EP300: variants seen among roughly 807,000 people sequenced by gnomAD.
The protein encoded by EP300 is EP300 lysine acetyltransferase, also known as histone acetyltransferase p300.
Under a neutral mutation model 264.0 loss-of-function variants are expected in EP300, and 31 were observed. The ratio of observed to expected loss-of-function variants is 0.12; its 90% confidence interval spans 0.09 to 0.16. The LOEUF is 0.16. EP300 is among the 10% of genes least tolerant of loss of function. The pLI is 1.00. For missense variants in EP300, 2,766 were observed against 3,052.9 expected (o/e 0.91, Z 2.21); for synonymous variants, 1,340 against 1,045.4 (o/e 1.28, Z -5.44).
chr22:41,097,986 G>A (rs892034740), intron 1 of EP300, among the ~76,000 whole-genome samples: 1 of 147,636 alleles, frequency 6.8e-6, no homozygotes, highest in Admixed American at 6.7e-5. Context: ...GAGCCACCGC[G>A]CCCAGCTAAA....
At position 41,127,594 on chromosome 22, in the gene EP300, C is replaced by T. The variant is rs1166384976; in HGVS notation, c.1014C>T (p.Ile338=). 6.2e-7 allele frequency: 1 copy of T among 1,614,218 alleles called. No individual in the cohort carries two copies. The highest frequency in any genetic ancestry group is 1.7e-5 in the Admixed American group (1 of 60,026). Residue 338 remains isoleucine (I), a synonymous_variant, in exon 4 of 31, where the codon ATC becomes ATT. Coordinates refer to ENST00000263253, the MANE Select transcript of EP300 (RefSeq NM_001429.4). ...CTGATCCAGAGAAGCGCAAGCTCATCCAGCAGCAGCTTGTTCTCCTTTTGC... is the reference window on the plus strand; with the variant it reads ...CTGATCCAGAGAAGCGCAAGCTCATTCAGCAGCAGCTTGTTCTCCTTTTGC... ...HTADPEKRKL[I]QQQLVLLLHA... is the part of the protein sequence containing the mutation.
chr22:41,119,183 T>TA (rs1569091388), intron 2 of EP300, among the ~76,000 whole-genome samples: 3 of 113,344 alleles, frequency 2.6e-5, no homozygotes, highest in Non-Finnish European at 5.8e-5. Flanking sequence ...TTATTTTTTT[T>TA]TTTTTTTTTT....
rs1288243601 is a variant in EP300 at position 41,129,879 on chromosome 22, C to T, written c.1169-11C>T. 13 of 1,606,896 alleles carry T rather than the reference C, an allele frequency of 8.1e-6. No individual in the cohort carries two copies. Among genetic ancestry groups the T allele is most frequent in the Non-Finnish European group, 1.0e-5 (12 of 1,173,880 alleles). ...ACCTGCTCTTGAAAAAATATGTTTT[C>T]TTCTCTTTAGTGGCACACTGTGCAT... On this transcript the variant is annotated splice_polypyrimidine_tract_variant and intron_variant, in intron 4 of 30. Coordinates refer to ENST00000263253, the MANE Select transcript of EP300 (RefSeq NM_001429.4).
intron 3 of EP300, 139 bp downstream of exon 3, chr22:41,126,179 T>G: frequency 1.2e-6 from 1 of 819,590 alleles, no homozygotes; most frequent in Non-Finnish European, 2.0e-6. Flanking sequence ...TGATGATCCC[T>G]GTGAGGAGGC....
At position 41,164,101 on chromosome 22, in the gene EP300, C is replaced by A. The variant is rs377052238; in HGVS notation, c.3777C>A (p.Val1259=). Residue 1259 remains valine, a synonymous_variant, in exon 22 of 31, where the codon GTC becomes GTA. Coordinates refer to ENST00000263253, the MANE Select transcript of EP300 (RefSeq NM_001429.4). ...ECGRKMHQIC[V]LHHEIIWPAG... ...GAAGAAAGATGCATCAGATCTGTGT[C>A]CTTCACCATGAGATCATCTGGCCTG... is the stretch of plus-strand genomic sequence containing the variant. The A allele has an allele frequency of 1.2e-6, 2 of 1,613,962 alleles. No individual in the cohort carries two copies. Among genetic ancestry groups the A allele is most frequent in the Non-Finnish European group, 8.5e-7 (1 of 1,180,022 alleles).
At chr22:41,142,256 G>A (rs2058986864) in intron 10 of EP300, among the ~76,000 whole-genome samples, 1 of 152,130 alleles carries the variant, frequency 6.6e-6, no homozygotes, top group South Asian at 2.1e-4. Context: ...CTGAGCCAGC[G>A]GGCAGTAAAC....
Position 41,151,882 on chromosome 22 carries a change from C to G in EP300, c.2867C>G (p.Ser956Cys), listed in dbSNP as rs61758152. 2.2e-5 allele frequency: 35 copies of G among 1,614,094 alleles called. No homozygotes were observed. The highest frequency in any genetic ancestry group is 2.9e-5 in the Non-Finnish European group (34 of 1,179,980). The change falls in exon 15 of 31, where the codon TCT (serine) becomes TGT (cysteine). Residue 956 changes from serine to cysteine, a missense_variant. Physicochemically the swap from Ser to Cys is moderately radical, Grantham distance 112. Transcript: ENST00000263253. ...SIEGQVSNPP[S>C]TSSTEVNSQA... ...GAAGGACAGGTATCAAATCCTCCAT[C>G]TACTAGTAGCACAGAAGTGAATTCT... is the stretch of plus-strand genomic sequence containing the variant.
chr22:41,092,864 A>T lies in EP300; in HGVS notation c.-141A>T. 6 of 896,632 alleles carry T rather than the reference A, an allele frequency of 6.7e-6. No homozygotes were observed. Among genetic ancestry groups the T allele is most frequent in the Non-Finnish European group, 1.1e-5 (6 of 533,336 alleles). 55.5% of individuals were successfully genotyped at this position (896,632 alleles called of 1,614,324 possible). A position where few individuals can be genotyped will look rare whatever the true frequency, so the allele number is the denominator to read the frequency against. On this transcript the variant is annotated 5_prime_UTR_variant, in exon 1 of 31. Transcript: ENST00000263253. Reference sequence around the variant, plus strand: ...CCAGCCACTGCGACCCGGCGAAGAGAAAAAGGAACTTCCCCCACCCCCTCG... The same window carrying T: ...CCAGCCACTGCGACCCGGCGAAGAGTAAAAGGAACTTCCCCCACCCCCTCG...
At chr22:41,112,663 A>G (rs1226581852) in intron 1 of EP300, among the ~76,000 whole-genome samples, 1 of 149,272 alleles carries the variant, frequency 6.7e-6, no homozygotes, top group Non-Finnish European at 1.5e-5. Context: ...CATGAAGAAG[A>G]TTGGCCTGTG....
chr22:41,109,740 G>C (rs539126691), intron 1 of EP300, among the ~76,000 whole-genome samples: 4 of 151,554 alleles, frequency 2.6e-5, no homozygotes, highest in African/African-American at 9.7e-5. Flanking sequence ...GGAGGAGGAC[G>C]GGAACGGATG....
In EP300 at chr22:41,173,633, G is replaced by A. The variant is rs753807459; in HGVS notation, c.4628G>A (p.Gly1543Glu). ...TSNESTDVTK[G>E]DSKNAKKKNN... Reference sequence around the variant, plus strand: ...TGTGCTACTCTGCAGGTGACCAAGGGAGACAGCAAAAATGCTAAAAAGAAG... The same window carrying A: ...TGTGCTACTCTGCAGGTGACCAAGGAAGACAGCAAAAATGCTAAAAAGAAG... The change falls in exon 29 of 31, where the codon GGA becomes GAA. Residue 1543 changes from glycine to glutamate, a missense_variant. Gly to Glu is a moderately conservative substitution (Grantham distance 98, BLOSUM62 -2). Transcript: ENST00000263253. The A allele has an allele frequency of 1.2e-6, 2 of 1,614,096 alleles. No homozygotes were observed. Among genetic ancestry groups the A allele is most frequent in the Non-Finnish European group, 1.7e-6 (2 of 1,180,014 alleles).
chr22:41,129,041 C>A (rs977307066), intron 4 of EP300, among the ~76,000 whole-genome samples: 1 of 151,798 alleles, frequency 6.6e-6, no homozygotes, highest in Non-Finnish European at 1.5e-5. Context: ...GATGGAGTCT[C>A]GCTCTGTCGC....
intron 1 of EP300, 90 bp downstream of exon 1, chr22:41,093,188 C>G: frequency 7.8e-7 from 1 of 1,275,648 alleles, no homozygotes; most frequent in Non-Finnish European, 1.1e-6. Flanking sequence ...TTCTTCCTCT[C>G]TCTCTAGTTC....
At chr22:41,116,171 T>G (rs2058820489) in intron 1 of EP300, among the ~76,000 whole-genome samples, 1 of 152,152 alleles carries the variant, frequency 6.6e-6, no homozygotes, top group African/African-American at 2.4e-5. Context: ...AAAAATAAAA[T>G]TTTATTTCAA....
intron 25 of EP300, 78 bp from the exon 26 acceptor site, chr22:41,169,425 T>TA (rs1245542438): frequency 2.3e-6 from 2 of 872,042 alleles, no homozygotes; most frequent in Admixed American, 3.5e-5. Context: ...GAGAGGGTGT[T>TA]ATTAGGCACA....
At chr22:41,137,471 A>G (rs747617913) in intron 7 of EP300, among the ~76,000 whole-genome samples, 182 bp from the exon 8 acceptor site, 1 of 152,132 alleles carries the variant, frequency 6.6e-6, no homozygotes, top group Non-Finnish European at 1.5e-5. Flanking sequence ...ACCCTCACAC[A>G]GGTATGAACA....
rs59721178 is a variant in EP300 at position 41,179,880 on chromosome 22, TCA to T, written c.*966_*967del. 0.071 allele frequency: 11,854 copies of T among 166,180 alleles called. 688 individuals carry two copies. The highest frequency in any genetic ancestry group is 0.11 in the Middle Eastern group (62 of 574). The allele number at this position is 166,180 out of a possible 1,614,324, so 10.3% of individuals were successfully genotyped here. On this transcript the variant is annotated 3_prime_UTR_variant, in exon 31 of 31. Coordinates refer to ENST00000263253, the MANE Select transcript of EP300 (RefSeq NM_001429.4). Reference sequence around the variant, plus strand: ...TCTTCCTCCTTACCCTACCCCCCACTCACACACACACACACACACACACACAC... The same window carrying T: ...TCTTCCTCCTTACCCTACCCCCCACTCACACACACACACACACACACACAC...
At chr22:41,158,579 C>G (rs1393797746) in intron 19 of EP300, 79 bp downstream of exon 19, 4 of 1,109,774 alleles carry the variant, frequency 3.6e-6, no homozygotes, top group Non-Finnish European at 5.4e-6. Context: ...AGCACACATA[C>G]AGTCATGGTT....
At chr22:41,161,722 A>G (rs539810538) in intron 20 of EP300, among the ~76,000 whole-genome samples, 15 of 152,342 alleles carry the variant, frequency 9.8e-5, no homozygotes, top group African/African-American at 3.1e-4. Context: ...TGTAATTTTA[A>G]TATTATTGAA....
Sources: allele counts gnomAD v4.1 joint callset (sites outside exome capture counted in the v4.1 genomes callset), GRCh38; gene constraint gnomAD v4.1.1; transcripts MANE v1.5; gene names NCBI Gene and HGNC (gene_info 2026-07-23, HGNC 2026-07-21).